Variants in RABL3 observed in about 807,000 individuals in gnomAD.
RABL3 encodes RAB, member of RAS oncogene family like 3.
A neutral mutation model predicts 31.8 loss-of-function variants in RABL3; 31 were observed. The observed-to-expected ratio is 0.97, with a 90% confidence interval of 0.73 to 1.31. The LOEUF is 1.31. Ranked by LOEUF, RABL3 falls within the 40% of genes most tolerant of loss-of-function variation. The pLI is 0.00. For missense variants in RABL3, 263 were observed against 279.6 expected (o/e 0.94, Z 0.42); for synonymous variants, 97 against 99.9 (o/e 0.97, Z 0.18).
chr3:120,685,466 G>C lies in RABL3; in HGVS notation c.*4357C>G, dbSNP rs1379139875. Among the ~76,000 whole-genome samples the C allele has an allele frequency of 2.6e-5, 4 of 152,174 alleles. No homozygotes were observed. The highest frequency in any genetic ancestry group is 9.7e-5 in the African/African-American group (4 of 41,432). ...GTACTAGAGAGGGGGCTGTGTGTAA[G>C]ATGGCAAGGCACTGGTTAGAAATAA... On this transcript the variant is annotated 3_prime_UTR_variant, in exon 8 of 8. Transcript: ENST00000273375.
chr3:120,742,534 G>C (rs369854386), upstream of RABL3: 2 of 1,612,998 alleles, frequency 1.2e-6, no homozygotes, highest in South Asian at 2.2e-5. Context: ...CTGGGTTAAC[G>C]CCTGTTCCTG....
At chr3:120,696,275 GTAAC>G (rs1708434576) in intron 5 of RABL3, among the ~76,000 whole-genome samples, 1 of 152,128 alleles carries the variant, frequency 6.6e-6, no homozygotes, top group South Asian at 2.1e-4. Context: ...AATTTATACA[GTAAC>G]TGATGTTAGC....
chr3:120,700,723 G>A (rs982461806), intron 4 of RABL3, among the ~76,000 whole-genome samples: 38 of 151,960 alleles, frequency 2.5e-4, no homozygotes, highest in Admixed American at 2.4e-3. Context: ...TTTAACATTT[G>A]GTTCAAAATA....
chr3:120,717,542 C>A (rs1046456630), intron 2 of RABL3, among the ~76,000 whole-genome samples: 7 of 152,132 alleles, frequency 4.6e-5, no homozygotes, highest in African/African-American at 1.7e-4. Flanking sequence ...GATCTCAAGT[C>A]ACTGCAACCT....
chr3:120,731,696 C>T (rs1296244518), intron 1 of RABL3, among the ~76,000 whole-genome samples: 1 of 152,110 alleles, frequency 6.6e-6, no homozygotes, highest in Non-Finnish European at 1.5e-5. Context: ...TTTGATCATA[C>T]TGTGTAGGAA....
At chr3:120,720,263 T>C (rs1708721734) in intron 2 of RABL3, among the ~76,000 whole-genome samples, 1 of 152,230 alleles carries the variant, frequency 6.6e-6, no homozygotes, top group African/African-American at 2.4e-5. Context: ...CTGAAAATTC[T>C]GAAAATCAGA....
intron 2 of RABL3, among the ~76,000 whole-genome samples, chr3:120,723,091 T>C (rs546151373): frequency 4.5e-4 from 68 of 151,828 alleles, no homozygotes; most frequent in Middle Eastern, 6.8e-3. Context: ...ATCAAATAGA[T>C]GCAATAAAAA....
In RABL3 at chr3:120,686,964, G is replaced by A. The variant is rs915764747; in HGVS notation, c.*2859C>T. The A allele has an allele frequency of 6.6e-6, 1 of 152,120 alleles. No individual in the cohort carries two copies. Among genetic ancestry groups the A allele is most frequent in the African/African-American group, 2.4e-5 (1 of 41,402 alleles). 9.4% of individuals were successfully genotyped at this position (152,120 alleles called of 1,614,324 possible). A position where few individuals can be genotyped will look rare whatever the true frequency, so the allele number is the denominator to read the frequency against. On this transcript the variant is annotated 3_prime_UTR_variant, in exon 8 of 8. Coordinates refer to ENST00000273375, the MANE Select transcript of RABL3 (RefSeq NM_173825.5). ...TCTACTTCAGGGAACAGTCACTTAG[G>A]GTTTATGGCCTGCTTCAGGGGAGAA...
chr3:120,731,295 T>C (rs894902630), intron 1 of RABL3, among the ~76,000 whole-genome samples: 2 of 152,214 alleles, frequency 1.3e-5, no homozygotes, highest in Non-Finnish European at 2.9e-5. Flanking sequence ...TCTTCCAGAC[T>C]GTGCTTGAAT....
intron 1 of RABL3, chr3:120,738,808 TTAGA>T (rs1386940297): frequency 1.3e-5 from 2 of 152,190 alleles, no homozygotes; most frequent in Non-Finnish European, 2.9e-5. Flanking sequence ...TCCATTATTA[TTAGA>T]TATTTAGGGT....
At chr3:120,725,424 T>C (rs1335176038) in intron 2 of RABL3, among the ~76,000 whole-genome samples, 1 of 152,214 alleles carries the variant, frequency 6.6e-6, no homozygotes, top group Non-Finnish European at 1.5e-5. Context: ...AAATACCATT[T>C]GACCCAACCA....
At chr3:120,703,553 G>A (rs1234185842) in intron 4 of RABL3, among the ~76,000 whole-genome samples, 3 of 151,684 alleles carry the variant, frequency 2.0e-5, no homozygotes, top group African/African-American at 2.4e-5. Flanking sequence ...CAAGCAGAAG[G>A]AAAGAAATAA....
chr3:120,699,843 AT>A (rs1355414140), intron 4 of RABL3, among the ~76,000 whole-genome samples: 1 of 152,194 alleles, frequency 6.6e-6, no homozygotes, highest in Non-Finnish European at 1.5e-5. Flanking sequence ...AAGACCTTTG[AT>A]TATTCATATC....
At chr3:120,713,149 T>G (rs752609832) in intron 2 of RABL3, among the ~76,000 whole-genome samples, 10 of 152,180 alleles carry the variant, frequency 6.6e-5, no homozygotes, top group Non-Finnish European at 1.5e-4. Flanking sequence ...CTCTTAGCCT[T>G]GCATTGTACC....
intron 2 of RABL3, among the ~76,000 whole-genome samples, chr3:120,712,063 A>G (rs1241316829): frequency 5.3e-5 from 8 of 152,224 alleles, no homozygotes; most frequent in Admixed American, 3.3e-4. Context: ...TAGTTAAAAT[A>G]GATGTCATAA....
At chr3:120,732,468 T>C (rs1322363144) in intron 1 of RABL3, among the ~76,000 whole-genome samples, 9 of 152,198 alleles carry the variant, frequency 5.9e-5, no homozygotes, top group Non-Finnish European at 1.3e-4. Context: ...TGTTGGATTT[T>C]TATTCATCTT....
At chr3:120,723,594 T>C (rs916783741) in intron 2 of RABL3, among the ~76,000 whole-genome samples, 1 of 152,164 alleles carries the variant, frequency 6.6e-6, no homozygotes, top group Admixed American at 6.5e-5. Context: ...AAAAAGCTTA[T>C]CCACCATGAT....
chr3:120,736,892 TGA>T lies in RABL3; in HGVS notation c.46+5568_46+5569del, dbSNP rs574558348. Among the ~76,000 whole-genome samples, 291 of 151,464 alleles carry T rather than the reference TGA, an allele frequency of 1.9e-3. 3 individuals are homozygous for T. The highest frequency in any genetic ancestry group is 5.2e-3 in the Admixed American group (80 of 15,240). On this transcript the variant is annotated intron_variant, in intron 1 of 7. Coordinates refer to ENST00000273375, the MANE Select transcript of RABL3 (RefSeq NM_173825.5). ...CTCTTCTGGTTTGTAGAGTTTCTGC[TGA>T]GAGATACGCTGATGGGCTTCCCTTT...
intron 1 of RABL3, among the ~76,000 whole-genome samples, chr3:120,741,958 T>C (rs974272623): frequency 6.6e-6 from 1 of 152,182 alleles, no homozygotes; most frequent in Non-Finnish European, 1.5e-5. Context: ...CTCACTACTC[T>C]CATCTGTAAA....
Sources: allele counts gnomAD v4.1 joint callset (sites outside exome capture counted in the v4.1 genomes callset), GRCh38; gene constraint gnomAD v4.1.1; transcripts MANE v1.5; gene names NCBI Gene and HGNC (gene_info 2026-07-23, HGNC 2026-07-21).